The following PAX2 variants were observed in gnomAD, a reference collection of about 807,000 sequenced individuals.
PAX2 encodes paired box protein Pax-2.
A neutral mutation model predicts 41.7 loss-of-function variants in PAX2; 9 were observed. The ratio of observed to expected loss-of-function variants is 0.22; its 90% CI spans 0.13 to 0.38. The LOEUF is 0.38. PAX2 is among the 10% of genes least tolerant of loss of function. The pLI, the probability that PAX2 is intolerant of heterozygous loss-of-function variation, is 1.00. For missense variants in PAX2, 418 were observed against 531.6 expected, an observed-to-expected ratio of 0.79 and a Z score of 2.10; for synonymous variants, 221 against 212.7, an observed-to-expected ratio of 1.04 and a Z score of -0.34.
Position 100,746,117 on chromosome 10 carries a change from C to T in PAX2, c.-144C>T. 6.5e-7 allele frequency: 1 copy of T among 1,536,744 alleles called. No individual in the cohort carries two copies. Among genetic ancestry groups the T allele is most frequent in the Non-Finnish European group, 8.7e-7 (1 of 1,145,744 alleles). On this transcript the variant is annotated 5_prime_UTR_variant, in exon 1 of 10. Coordinates refer to ENST00000355243, the MANE Select transcript of PAX2 (RefSeq NM_000278.5). Reference sequence around the variant, plus strand: ...GCGGGGAGCGCAGTGCTGCGCCCCCCGCCCCCGCGCGCCCCGCAGCAGCCG... The same window carrying T: ...GCGGGGAGCGCAGTGCTGCGCCCCCTGCCCCCGCGCGCCCCGCAGCAGCCG...
chr10:100,811,560 A>G (rs1216394829), intron 7 of PAX2, among the ~76,000 whole-genome samples: 1 of 152,248 alleles, frequency 6.6e-6, no homozygotes, highest in Non-Finnish European at 1.5e-5. Flanking sequence ...CTAGAAAGAT[A>G]CTGGCATCTG....
chr10:100,775,492 A>T (rs980465726), intron 3 of PAX2, among the ~76,000 whole-genome samples: 18 of 152,168 alleles, frequency 1.2e-4, no homozygotes, highest in African/African-American at 4.3e-4. Context: ...AACTCACAGC[A>T]GGCACCCTGC....
Position 100,745,941 on chromosome 10 carries a change from T to C in PAX2, c.-320T>C. On this transcript the variant is annotated 5_prime_UTR_variant, in exon 1 of 10. Transcript: ENST00000355243. ...TCCCCCGCCCAGCTTCAGCCCTGGCTGCAGCTGCAGCGCGAGCCATGCGCC... is the reference window on the plus strand; with the variant it reads ...TCCCCCGCCCAGCTTCAGCCCTGGCCGCAGCTGCAGCGCGAGCCATGCGCC... The C allele has an allele frequency of 7.9e-7, 1 of 1,258,464 alleles. No individual in the cohort carries two copies. The highest frequency in any genetic ancestry group is 1.6e-5 in the African/African-American group (1 of 62,970). The allele number at this position is 1,258,464 out of a possible 1,614,324, so 78.0% of individuals were successfully genotyped here. A position where few individuals can be genotyped will look rare whatever the true frequency, so the allele number is the denominator to read the frequency against.
chr10:100,819,262 G>T (rs187173967), intron 7 of PAX2, among the ~76,000 whole-genome samples: 6 of 148,926 alleles, frequency 4.0e-5, no homozygotes, highest in Non-Finnish European at 7.4e-5. Context: ...AAAAAAAAGG[G>T]GGGGGAGTTT....
rs1485369292 is a variant in PAX2, at chr10:100,826,032, G to A, written c.1022-977G>A. On this transcript the variant is annotated intron_variant, in intron 8 of 9. Coordinates refer to ENST00000355243, the MANE Select transcript of PAX2 (RefSeq NM_000278.5). This position sits in a 1 kb window ranked among gnomAD's most constrained non-coding sequence, Gnocchi z 5.5. The stretch of plus-strand genomic sequence containing the variant: ...CGCAGAGAGCTCGTGGTGTCGAGGG[G>A]GGAGTCGTTAAACAGAATCTAGTGC... Among the ~76,000 whole-genome samples, 1 of 151,998 alleles carries A rather than the reference G, an allele frequency of 6.6e-6. No homozygotes were observed. The highest frequency in any genetic ancestry group is 6.6e-5 in the Admixed American group (1 of 15,264).
In PAX2 at chr10:100,829,451, GC is replaced by G. The variant is rs1028875150; in HGVS notation, c.*1836del. ...GCCCCGGGCGGCCGAAGGCCGGGCCGCCCCGTCCCGCCCCGTAGTTGCTCTT... is the reference window on the plus strand; with the variant it reads ...GCCCCGGGCGGCCGAAGGCCGGGCCGCCCGTCCCGCCCCGTAGTTGCTCTT... On this transcript the variant is annotated 3_prime_UTR_variant, in exon 10 of 10. Transcript: ENST00000355243. 1.1e-3 allele frequency: 220 copies of G among 206,558 alleles called. No individual in the cohort carries two copies. Among genetic ancestry groups the G allele is most frequent in the Non-Finnish European group, 1.8e-3 (184 of 100,560 alleles). The allele number at this position is 206,558 out of a possible 1,614,324, so 12.8% of individuals were successfully genotyped here. A position where few individuals can be genotyped will look rare whatever the true frequency, so the allele number is the denominator to read the frequency against.
chr10:100,776,920 T>C (rs2133888695), intron 3 of PAX2, among the ~76,000 whole-genome samples: 1 of 152,290 alleles, frequency 6.6e-6, no homozygotes, highest in South Asian at 2.1e-4. Flanking sequence ...TCATGCCTCA[T>C]GTATATGTAT....
intron 5 of PAX2, among the ~76,000 whole-genome samples, chr10:100,800,770 A>G (rs1847535963): frequency 6.6e-6 from 1 of 152,198 alleles, no homozygotes; most frequent in Non-Finnish European, 1.5e-5. Flanking sequence ...GGTGTGAGAT[A>G]GGGCCCAGCT....
chr10:100,764,680 C>CTGTGTGTG (rs59663467), intron 3 of PAX2, among the ~76,000 whole-genome samples: 35 of 150,346 alleles, frequency 2.3e-4, no homozygotes, highest in African/African-American at 4.1e-4. Context: ...GACCTTGTGG[C>CTGTGTGTG]TGTGTGTGTG....
intron 5 of PAX2, 138 bp from the exon 6 acceptor site, chr10:100,806,292 C>A: frequency 1.2e-6 from 1 of 860,314 alleles, no homozygotes; most frequent in Non-Finnish European, 1.9e-6. Context: ...CCCACTGGCC[C>A]AGGGGCTGAG....
chr10:100,788,361 G>C (rs144494648), intron 5 of PAX2, among the ~76,000 whole-genome samples: 1 of 152,154 alleles, frequency 6.6e-6, no homozygotes, highest in Non-Finnish European at 1.5e-5. Flanking sequence ...CTCTCTTCCC[G>C]GCTCTCCTTC....
At chr10:100,801,771 A>C (rs1040384751) in intron 5 of PAX2, among the ~76,000 whole-genome samples, 2 of 152,240 alleles carry the variant, frequency 1.3e-5, no homozygotes, top group African/African-American at 4.8e-5. Context: ...AGTGGCCTTC[A>C]ACTGGGCCCA....
intron 7 of PAX2, among the ~76,000 whole-genome samples, chr10:100,813,228 G>A (rs78273965): frequency 0.02 from 3,117 of 152,284 alleles, 121 homozygotes; most frequent in African/African-American, 0.072. Flanking sequence ...CATTGCTGCC[G>A]CGCACTGGCA....
chr10:100,801,097 G>A (rs913580007), intron 5 of PAX2, among the ~76,000 whole-genome samples: 27 of 152,282 alleles, frequency 1.8e-4, no homozygotes, highest in African/African-American at 6.3e-4. Flanking sequence ...CTCTGGCTGG[G>A]CAGGCAGCCA....
chr10:100,768,562 T>A (rs2133872438), intron 3 of PAX2, among the ~76,000 whole-genome samples: 1 of 152,348 alleles, frequency 6.6e-6, no homozygotes, highest in East Asian at 1.9e-4. Flanking sequence ...CTACCTGTGC[T>A]CTCTGTTAAT....
At chr10:100,765,432 T>C (rs1845985485) in intron 3 of PAX2, among the ~76,000 whole-genome samples, 1 of 152,260 alleles carries the variant, frequency 6.6e-6, no homozygotes. Context: ...GTCACTTATC[T>C]GATACCTTTT....
chr10:100,782,721 C>T (rs1015373709), intron 5 of PAX2, among the ~76,000 whole-genome samples: 1 of 152,288 alleles, frequency 6.6e-6, no homozygotes, highest in East Asian at 1.9e-4. Flanking sequence ...ATTTGGCCGC[C>T]ACGGCCTTTG....
chr10:100,778,413 C>G (rs1846478203), intron 3 of PAX2, among the ~76,000 whole-genome samples: 3 of 152,326 alleles, frequency 2.0e-5, no homozygotes, highest in East Asian at 3.9e-4. Flanking sequence ...TAAGTCTCCC[C>G]TCCCCACCTT....
intron 3 of PAX2, among the ~76,000 whole-genome samples, chr10:100,777,783 G>A (rs1358467984): frequency 4.6e-5 from 7 of 152,230 alleles, no homozygotes; most frequent in African/African-American, 1.7e-4. Flanking sequence ...TACTTTGGAG[G>A]TGGTTGTGCG....
Sources: gnomAD v4.1 joint callset for allele counts (sites outside exome capture counted in the v4.1 genomes callset) on GRCh38, gnomAD v4.1.1 for gene constraint, Gnocchi (gnomAD v3.1) non-coding constraint, MANE v1.5 for transcripts, NCBI Gene and HGNC (gene_info 2026-07-23, HGNC 2026-07-21) for gene names.